Variants in NOS1AP observed in about 807,000 individuals in gnomAD.
The protein encoded by NOS1AP is nitric oxide synthase 1 adaptor protein, also known as carboxyl-terminal PDZ ligand of neuronal nitric oxide synthase protein.
In NOS1AP, 21 loss-of-function variants were observed where a neutral mutation model predicts 56.2. The ratio of observed to expected loss-of-function variants is 0.37; its 90% confidence interval spans 0.26 to 0.54. The LOEUF is 0.54. NOS1AP is among the 20% of genes least tolerant of loss of function. The probability of loss-of-function intolerance (pLI) is 0.84; values close to 1 mark genes in which losing one functional copy is unlikely to be tolerated. For synonymous variants in NOS1AP, 270 were observed against 274.6 expected (o/e 0.98, Z 0.17); for missense variants, 522 against 657.8 (o/e 0.79, Z 2.26).
intron 5 of NOS1AP, chr1:162,338,582 A>G (rs1046164492): frequency 8.5e-5 from 13 of 152,204 alleles, no homozygotes; most frequent in African/African-American, 3.1e-4. Flanking sequence ...AAGATTCCCA[A>G]ATTTTATAGG....
intron 1 of NOS1AP, among the ~76,000 whole-genome samples, chr1:162,105,095 C>CT (rs1647442668): frequency 1.3e-5 from 2 of 152,048 alleles, no homozygotes; most frequent in African/African-American, 2.4e-5. Flanking sequence ...TTTGAGGGGT[C>CT]TTTTTTGTTG....
At chr1:162,351,154 T>C (rs1657480650) in intron 6 of NOS1AP, among the ~76,000 whole-genome samples, 1 of 152,224 alleles carries the variant, frequency 6.6e-6, no homozygotes, top group African/African-American at 2.4e-5. Flanking sequence ...CTGAAACACC[T>C]GTAGTCCTAA....
chr1:162,223,422 T>C (rs1269881161), intron 2 of NOS1AP, among the ~76,000 whole-genome samples: 1 of 152,012 alleles, frequency 6.6e-6, no homozygotes, highest in Non-Finnish European at 1.5e-5. Flanking sequence ...CCAAAAAGTG[T>C]GTAGGGGTGG....
intron 2 of NOS1AP, among the ~76,000 whole-genome samples, chr1:162,230,239 G>A (rs1346914353): frequency 6.6e-6 from 1 of 152,150 alleles, no homozygotes; most frequent in Non-Finnish European, 1.5e-5. Context: ...AAACCGGACG[G>A]AGGGGTGTAT....
intron 6 of NOS1AP, among the ~76,000 whole-genome samples, chr1:162,348,341 G>A (rs1296498004): frequency 6.6e-6 from 1 of 152,192 alleles, no homozygotes; most frequent in African/African-American, 2.4e-5. Flanking sequence ...AGACTGGGAG[G>A]CTGAGCAGAG....
intron 1 of NOS1AP, among the ~76,000 whole-genome samples, chr1:162,077,783 C>T (rs1691802227): frequency 6.9e-6 from 1 of 144,630 alleles, no homozygotes; most frequent in Admixed American, 7.2e-5. Context: ...GTATGAAATA[C>T]CTCTTCTTTC....
intron 2 of NOS1AP, among the ~76,000 whole-genome samples, chr1:162,154,807 G>C (rs1213009043): frequency 2.6e-5 from 4 of 152,082 alleles, no homozygotes; most frequent in Admixed American, 1.3e-4. Context: ...TTAGGGAAAA[G>C]GTTTAGTAAT....
At chr1:162,179,536 G>A (rs1651178243) in intron 2 of NOS1AP, among the ~76,000 whole-genome samples, 1 of 152,152 alleles carries the variant, frequency 6.6e-6, no homozygotes, top group Non-Finnish European at 1.5e-5. Flanking sequence ...AGACGGACCT[G>A]GAAACCAGCA....
chr1:162,203,724 A>G (rs1652067120), intron 2 of NOS1AP, among the ~76,000 whole-genome samples: 1 of 152,152 alleles, frequency 6.6e-6, no homozygotes, highest in Admixed American at 6.5e-5. Flanking sequence ...TGTGATGTAG[A>G]TGATGTTTTA....
chr1:162,324,607 C>T (rs1305199715), intron 4 of NOS1AP, among the ~76,000 whole-genome samples: 1 of 151,998 alleles, frequency 6.6e-6, no homozygotes, highest in Non-Finnish European at 1.5e-5. Flanking sequence ...CATAAATTAA[C>T]TGCTGATGTA....
intron 4 of NOS1AP, among the ~76,000 whole-genome samples, chr1:162,331,515 T>A (rs1656768073): frequency 6.6e-6 from 1 of 152,154 alleles, no homozygotes; most frequent in African/African-American, 2.4e-5. Context: ...ATTGTACAGA[T>A]AACAAAACTG....
In NOS1AP at chr1:162,264,461, T is replaced by TCTCCTCTCCTCTCCTCTCCTCTCCTCTCC. The variant is rs1209960241; in HGVS notation, c.178-22883_178-22882insCTCCTCTCCTCTCCTCTCCTCTCCTCTCC. Among the ~76,000 whole-genome samples, 46 of 37,274 alleles carry TCTCCTCTCCTCTCCTCTCCTCTCCTCTCC rather than the reference T, an allele frequency of 1.2e-3. 6 individuals carry two copies. In the East Asian group the frequency reaches 0.015, roughly 12 times the overall value. The allele number at this position is 37,274 out of a possible 152,430, so 24.5% of individuals were successfully genotyped here. On this transcript the variant is annotated intron_variant, in intron 2 of 9. Coordinates refer to ENST00000361897, the MANE Select transcript of NOS1AP (RefSeq NM_014697.3). ...TTCTCTTCTCTTCTCTTCTCTTCTC[T>TCTCCTCTCCTCTCCTCTCCTCTCCTCTCC]TCTCCTCCCCTCCCCTCCCCTCCCC... is the stretch of plus-strand genomic sequence containing the variant.
chr1:162,305,962 A>G (rs1013609536), intron 4 of NOS1AP, among the ~76,000 whole-genome samples: 3 of 152,240 alleles, frequency 2.0e-5, no homozygotes, highest in South Asian at 4.1e-4. Context: ...ATTTGAGACT[A>G]TTCTTCAGTT....
chr1:162,070,398 G>A (rs1008661186), intron 1 of NOS1AP, 116 bp downstream of exon 1: 5 of 820,440 alleles, frequency 6.1e-6, no homozygotes, highest in East Asian at 2.7e-5. Flanking sequence ...CGATTTGGGG[G>A]CCTTTCTCTT....
intron 1 of NOS1AP, among the ~76,000 whole-genome samples, chr1:162,112,563 T>C (rs1304883114): frequency 6.6e-6 from 1 of 152,224 alleles, no homozygotes; most frequent in Middle Eastern, 3.2e-3. Flanking sequence ...TCATTGCCAG[T>C]TCTTTGCACC....
At chr1:162,179,876 G>A (rs1473351544) in intron 2 of NOS1AP, among the ~76,000 whole-genome samples, 1 of 152,156 alleles carries the variant, frequency 6.6e-6, no homozygotes, top group Non-Finnish European at 1.5e-5. Flanking sequence ...AATATGGTGA[G>A]GTTTGCAGAT....
At chr1:162,230,815 G>T (rs1653098897) in intron 2 of NOS1AP, among the ~76,000 whole-genome samples, 1 of 152,162 alleles carries the variant, frequency 6.6e-6, no homozygotes, top group African/African-American at 2.4e-5. Flanking sequence ...GTTGTAGCAG[G>T]TGTCGAATTT....
chr1:162,299,786 G>A (rs545577154), intron 3 of NOS1AP, among the ~76,000 whole-genome samples: 8 of 152,086 alleles, frequency 5.3e-5, no homozygotes, highest in East Asian at 3.9e-4. Context: ...GTGTGCACGC[G>A]CACATACGTA....
At chr1:162,343,584 T>C (rs958358751) in intron 5 of NOS1AP, among the ~76,000 whole-genome samples, 1 of 152,206 alleles carries the variant, frequency 6.6e-6, no homozygotes, top group African/African-American at 2.4e-5. Context: ...GAGGGAAGAA[T>C]TGGGGCTAAG....
Sources: allele counts gnomAD v4.1 joint callset (sites outside exome capture counted in the v4.1 genomes callset), GRCh38; gene constraint gnomAD v4.1.1; transcripts MANE v1.5; gene names NCBI Gene and HGNC (gene_info 2026-07-23, HGNC 2026-07-21).